SNX9: variants seen among roughly 807,000 people sequenced by gnomAD.
SNX9 encodes sorting nexin-9.
A neutral mutation model predicts 89.4 loss-of-function variants in SNX9; 44 were observed. That is an observed-to-expected ratio of 0.49 (90% CI 0.39 to 0.63). The LOEUF is 0.63. Among genes scored for constraint, SNX9 ranks in the 30% least tolerant of loss-of-function variants. SNX9 has a pLI of 0.00. For synonymous variants in SNX9, 236 were observed against 247.8 expected, an observed-to-expected ratio of 0.95 and a Z score of 0.45; for missense variants, 578 against 736.1, an observed-to-expected ratio of 0.79 and a Z score of 2.49.
chr6:157,929,470 A>C (rs1783764593), intron 12 of SNX9, among the ~76,000 whole-genome samples: 1 of 152,318 alleles, frequency 6.6e-6, no homozygotes, highest in East Asian at 1.9e-4. Context: ...TTAGAGTCCT[A>C]GGACTTCTCT....
intron 1 of SNX9, among the ~76,000 whole-genome samples, chr6:157,866,279 T>A (rs996956722): frequency 6.6e-6 from 1 of 152,222 alleles, no homozygotes; most frequent in African/African-American, 2.4e-5. Flanking sequence ...GTCTGTCTTA[T>A]ATGAAATAAA....
chr6:157,850,226 C>T (rs574419664), intron 1 of SNX9, among the ~76,000 whole-genome samples: 66 of 152,172 alleles, frequency 4.3e-4, no homozygotes, highest in Middle Eastern at 3.4e-3. Flanking sequence ...AGAAAGCTGC[C>T]GGTATCCTTG....
chr6:157,869,799 C>A (rs1376518279), intron 2 of SNX9, among the ~76,000 whole-genome samples: 1 of 152,164 alleles, frequency 6.6e-6, no homozygotes, highest in East Asian at 1.9e-4. Flanking sequence ...CAGGCACACA[C>A]ACGTGCACCC....
At chr6:157,827,522 T>TTA (rs1156944199) in intron 1 of SNX9, among the ~76,000 whole-genome samples, 1 of 34,650 alleles carries the variant, frequency 2.9e-5, no homozygotes, top group Non-Finnish European at 4.3e-5. Flanking sequence ...AACATATAGT[T>TTA]TATATAATAT....
intron 1 of SNX9, among the ~76,000 whole-genome samples, chr6:157,833,735 C>CGCCTT (rs1271016838): frequency 6.6e-6 from 1 of 152,146 alleles, no homozygotes; most frequent in African/African-American, 2.4e-5. Context: ...CTTCTCCTCC[C>CGCCTT]GCCTTCCTAA....
At chr6:157,927,330 A>C in intron 11 of SNX9, 116 bp downstream of exon 11, 1 of 661,196 alleles carries the variant, frequency 1.5e-6, no homozygotes, top group Non-Finnish European at 2.7e-6. Context: ...CTTTTATGAA[A>C]TGAGTGGGAT....
intron 4 of SNX9, among the ~76,000 whole-genome samples, chr6:157,878,582 G>A (rs1226795164): frequency 5.3e-5 from 8 of 151,952 alleles, no homozygotes; most frequent in Admixed American, 2.0e-4. Context: ...ACAGGTGCCC[G>A]CCACTACGCC....
Position 157,823,593 on chromosome 6 carries a change from C to A in SNX9, c.12+147C>A. ...TCGGTGGAGTCCCCGGGCGGGTCCG[C>A]GGCCCAGCCAGTCCCTTCTGGGCAT... On this transcript the variant is annotated intron_variant, in intron 1 of 17. Transcript: ENST00000392185. The surrounding 1 kb of genome is among the most constrained non-coding windows in gnomAD (Gnocchi z 4.6). 1.6e-6 allele frequency: 1 copy of A among 620,248 alleles called. No individual in the cohort carries two copies. Among genetic ancestry groups the A allele is most frequent in the Non-Finnish European group, 2.2e-6 (1 of 461,828 alleles). 38.4% of individuals were successfully genotyped at this position (620,248 alleles called of 1,614,324 possible). A position where few individuals can be genotyped will look rare whatever the true frequency, so the allele number is the denominator to read the frequency against.
intron 9 of SNX9, among the ~76,000 whole-genome samples, chr6:157,912,001 G>A (rs1339585993): frequency 2.0e-5 from 3 of 152,182 alleles, no homozygotes; most frequent in Non-Finnish European, 4.4e-5. Flanking sequence ...CCAGATGGCC[G>A]TGGGCTGCTG....
intron 5 of SNX9, among the ~76,000 whole-genome samples, chr6:157,897,992 A>G (rs1783015802): frequency 6.6e-6 from 1 of 152,172 alleles, no homozygotes; most frequent in African/African-American, 2.4e-5. Flanking sequence ...GGAAATTCCA[A>G]GGGTTAGGAG....
chr6:157,849,694 T>A (rs528701008), intron 1 of SNX9, among the ~76,000 whole-genome samples: 8 of 152,202 alleles, frequency 5.3e-5, no homozygotes, highest in African/African-American at 1.4e-4. Context: ...TGGAAAGGAA[T>A]GAGAGGAGGA....
At chr6:157,844,600 G>GTTTTTTTT (rs34836632) in intron 1 of SNX9, among the ~76,000 whole-genome samples, 1 of 131,832 alleles carries the variant, frequency 7.6e-6, no homozygotes, top group Non-Finnish European at 1.6e-5. Flanking sequence ...TTTTTTTTTT[G>GTTTTTTTT]TTTTTTTTTT....
chr6:157,940,433 T>A (rs762200650), intron 16 of SNX9, among the ~76,000 whole-genome samples: 2 of 152,238 alleles, frequency 1.3e-5, no homozygotes, highest in African/African-American at 2.4e-5. Context: ...TTGTTTGTTT[T>A]GTTTGAGACA....
chr6:157,877,279 A>T (rs555476020), intron 4 of SNX9, among the ~76,000 whole-genome samples: 4 of 141,780 alleles, frequency 2.8e-5, no homozygotes, highest in Non-Finnish European at 6.2e-5. Context: ...AGAAAAAAAA[A>T]GCGGGGGGGG....
At chr6:157,837,726 T>G (rs925220438) in intron 1 of SNX9, among the ~76,000 whole-genome samples, 5 of 152,204 alleles carry the variant, frequency 3.3e-5, no homozygotes, top group Non-Finnish European at 7.3e-5. Flanking sequence ...CATGAAGGCA[T>G]GGGCATGCTG....
In SNX9 at chr6:157,909,965, C is replaced by G; in HGVS notation, c.889C>G (p.Leu297Val). The change falls in exon 9 of 18, where the codon CTC becomes GTC. Residue 297 changes from leucine to valine, a missense_variant. By Grantham distance (32) the Leu-to-Val change is conservative. Coordinates refer to ENST00000392185, the MANE Select transcript of SNX9 (RefSeq NM_016224.5). ...GCACTTTGACTGGTTATATGAGCGT[C>G]TCCTGGTTAAGTTTGGGTCAGCCAT... ...YKHFDWLYER[L>V]LVKFGSAIPI... is the part of the protein sequence containing the mutation. The G allele has an allele frequency of 1.2e-6, 2 of 1,614,156 alleles. No homozygotes were observed. Among genetic ancestry groups the G allele is most frequent in the South Asian group, 2.2e-5 (2 of 91,070 alleles).
intron 1 of SNX9, among the ~76,000 whole-genome samples, chr6:157,848,041 C>CT (rs1781837421): frequency 6.6e-6 from 1 of 152,194 alleles, no homozygotes; most frequent in African/African-American, 2.4e-5. Flanking sequence ...AGCCCTTACT[C>CT]TGTCGCATCA....
intron 1 of SNX9, among the ~76,000 whole-genome samples, chr6:157,836,063 C>G (rs1489823184): frequency 1.3e-5 from 2 of 152,262 alleles, no homozygotes; most frequent in East Asian, 3.9e-4. Flanking sequence ...TCCCAAGTAG[C>G]TGGGACTACA....
At chr6:157,840,046 C>T (rs981467576) in intron 1 of SNX9, among the ~76,000 whole-genome samples, 25 of 151,960 alleles carry the variant, frequency 1.6e-4, no homozygotes, top group African/African-American at 6.0e-4. Flanking sequence ...AGGTAGAGAT[C>T]TGAGGGAAGG....
Sources: gnomAD v4.1 joint callset for allele counts (sites outside exome capture counted in the v4.1 genomes callset) on GRCh38, gnomAD v4.1.1 for gene constraint, Gnocchi (gnomAD v3.1) non-coding constraint, MANE v1.5 for transcripts, NCBI Gene and HGNC (gene_info 2026-07-23, HGNC 2026-07-21) for gene names.